Variants in WNT9B observed in about 807,000 individuals in gnomAD.
WNT9B encodes the protein protein Wnt-9b.
In WNT9B, 12 loss-of-function variants were observed where a neutral mutation model predicts 30.2. That is an observed-to-expected ratio of 0.40 (90% confidence interval 0.26 to 0.64). The LOEUF is 0.64. WNT9B is among the 30% of genes least tolerant of loss of function. The pLI is 0.42. For missense variants in WNT9B, 442 were observed against 485.2 expected (o/e 0.91, Z 0.84); for synonymous variants, 218 against 216.9 (o/e 1.01, Z -0.05).
chr17:46,864,024 C>A (rs1208475529), intron 1 of WNT9B, among the ~76,000 whole-genome samples: 1 of 152,202 alleles, frequency 6.6e-6, no homozygotes, highest in Non-Finnish European at 1.5e-5. Flanking sequence ...CCTGTGCAAA[C>A]AATGGCACTG....
At chr17:46,842,668 C>G (rs2084730168) in intron 1 of WNT9B, among the ~76,000 whole-genome samples, 1 of 152,176 alleles carries the variant, frequency 6.6e-6, no homozygotes, top group Non-Finnish European at 1.5e-5. Context: ...CCACCGTACC[C>G]TGCTTTAAAC....
At chr17:46,885,147 C>A, downstream of WNT9B, 1 of 369,110 alleles carries the variant, frequency 2.7e-6, no homozygotes, top group East Asian at 8.9e-5. Context: ...CACCACCACG[C>A]CTGACTAATT....
rs2085376000 is a variant in WNT9B at position 46,878,247 on chromosome 17, T to C, written c.*1529T>C. ...CACGCCCATCTGTCAGCTTCCTTTC[T>C]CCCTAAACCTAGAGTTGCTGACCCT... On this transcript the variant is annotated 3_prime_UTR_variant, in exon 4 of 4. Coordinates refer to ENST00000290015, the MANE Select transcript of WNT9B (RefSeq NM_003396.3). 6.6e-6 allele frequency among the ~76,000 whole-genome samples: 1 copy of C among 152,202 alleles called. No individual in the cohort carries two copies. The highest frequency in any genetic ancestry group is 2.4e-5 in the African/African-American group (1 of 41,458).
intron 1 of WNT9B, among the ~76,000 whole-genome samples, chr17:46,858,268 T>A (rs908212051): frequency 6.6e-6 from 1 of 152,324 alleles, no homozygotes; most frequent in East Asian, 1.9e-4. Flanking sequence ...TTGTCACAAG[T>A]ACTGGTAATA....
chr17:46,836,101 T>TAC (rs1329799620), intron 1 of WNT9B, among the ~76,000 whole-genome samples: 1 of 146,942 alleles, frequency 6.8e-6, no homozygotes, highest in African/African-American at 2.5e-5. Context: ...CTGACGTGTG[T>TAC]GTGTGTGTGT....
chr17:46,864,026 A>T (rs1302273116), intron 1 of WNT9B, among the ~76,000 whole-genome samples: 1 of 152,214 alleles, frequency 6.6e-6, no homozygotes, highest in Non-Finnish European at 1.5e-5. Flanking sequence ...TGTGCAAACA[A>T]TGGCACTGTC....
intron 2 of WNT9B, among the ~76,000 whole-genome samples, chr17:46,874,437 A>G (rs2085308572): frequency 6.6e-6 from 1 of 152,200 alleles, no homozygotes; most frequent in Admixed American, 6.5e-5. Flanking sequence ...TGCCTACGCC[A>G]GGTGTCTGAG....
At chr17:46,845,673 T>C (rs901830625) in intron 1 of WNT9B, among the ~76,000 whole-genome samples, 5 of 151,612 alleles carry the variant, frequency 3.3e-5, no homozygotes, top group Admixed American at 6.6e-5. Flanking sequence ...GTATTTTTAG[T>C]AGAGATGGGT....
Position 46,851,645 on chromosome 17 carries a change from C to A in WNT9B, c.7C>A (p.Pro3Thr). 1 of 1,280,140 alleles carries A rather than the reference C, an allele frequency of 7.8e-7. No individual in the cohort carries two copies. The highest frequency in any genetic ancestry group is 9.8e-7 in the Non-Finnish European group (1 of 1,018,124). 79.3% of individuals were successfully genotyped at this position (1,280,140 alleles called of 1,614,324 possible). A position where few individuals can be genotyped will look rare whatever the true frequency, so the allele number is the denominator to read the frequency against. Reference protein sequence around the residue: MRPPPALALAGLC... With the variant: MRTPPALALAGLC... ...GCGCAGCGCCGCCAGCACCATGCGC[C>A]CCCCGCCCGCGCTGGCCCTGGCCGG... is the stretch of plus-strand genomic sequence containing the variant. Residue 3 changes from proline (P) to threonine (T), a missense_variant, in exon 1 of 4, where the codon CCC becomes ACC. Pro to Thr is a conservative substitution (Grantham distance 38). Transcript: ENST00000290015. The surrounding 1 kb of genome is among the most constrained non-coding windows in gnomAD (Gnocchi z 4.3).
chr17:46,852,434 GTGTGTGTA>G (rs2084867943), intron 1 of WNT9B, among the ~76,000 whole-genome samples: 1 of 144,386 alleles, frequency 6.9e-6, no homozygotes, highest in African/African-American at 2.7e-5. Flanking sequence ...GTGTGTGTGT[GTGTGTGTA>G]CATGGTTGGA....
downstream of WNT9B, among the ~76,000 whole-genome samples, chr17:46,882,131 G>A (rs1189343860): frequency 6.6e-6 from 1 of 152,268 alleles, no homozygotes; most frequent in East Asian, 1.9e-4. Flanking sequence ...CTTCCAGCCT[G>A]AGCGACAGAG....
At chr17:46,849,161 G>T (rs2084810351), upstream of WNT9B, among the ~76,000 whole-genome samples, 1 of 152,336 alleles carries the variant, frequency 6.6e-6, no homozygotes, top group African/African-American at 2.4e-5. Flanking sequence ...CACGCCATTG[G>T]CTGGCAAGGA....
At chr17:46,847,821 T>C (rs532728310), upstream of WNT9B, among the ~76,000 whole-genome samples, 118 of 152,240 alleles carry the variant, frequency 7.8e-4, no homozygotes, top group South Asian at 2.7e-3. Flanking sequence ...CAAAGGCGGA[T>C]GGTTCCTGAG....
chr17:46,876,230 C>T lies in WNT9B; in HGVS notation c.601-15C>T. On this transcript the variant is annotated splice_polypyrimidine_tract_variant and intron_variant, in intron 3 of 3. Coordinates refer to ENST00000290015, the MANE Select transcript of WNT9B (RefSeq NM_003396.3). ...CCAGGCCTCTGACCACGCCTCTGTT[C>T]TGCCTCCCCCACAGGCTGTGAAGAG... 6.3e-7 allele frequency: 1 copy of T among 1,589,598 alleles called. No individual in the cohort carries two copies. The highest frequency in any genetic ancestry group is 1.3e-5 in the African/African-American group (1 of 74,750).
rs537473520 is a variant in WNT9B at position 46,834,022 on chromosome 17, C to A, written c.95+582C>A. Among the ~76,000 whole-genome samples the A allele has an allele frequency of 2.0e-5, 3 of 151,808 alleles. No homozygotes were observed. The South Asian group carries it at 6.3e-4, about 32-fold the overall frequency. Reference sequence around the variant, plus strand: ...ACCAACCTGGGCAACATAGTGAGACCCTGTCTCTGCAAAAATTTAAAACTA... The same window carrying A: ...ACCAACCTGGGCAACATAGTGAGACACTGTCTCTGCAAAAATTTAAAACTA... On this transcript the variant is annotated intron_variant, in intron 1 of 2. Coordinates refer to the WNT9B transcript ENST00000575372.
rs191403968 is a variant in WNT9B at position 46,857,869 on chromosome 17, T to C, written c.77+6154T>C. ...GTGTATATTGGTCATTTGAATATCATTTCATTGGGTTATTTGTCTTCTTAT... is the reference window on the plus strand; with the variant it reads ...GTGTATATTGGTCATTTGAATATCACTTCATTGGGTTATTTGTCTTCTTAT... On this transcript the variant is annotated intron_variant, in intron 1 of 3. Coordinates refer to ENST00000290015, the MANE Select transcript of WNT9B (RefSeq NM_003396.3). 8.8e-4 allele frequency among the ~76,000 whole-genome samples: 134 copies of C among 152,348 alleles called. No homozygotes were observed. In the Middle Eastern group the frequency reaches 0.017, roughly 19 times the overall value.
upstream of WNT9B, among the ~76,000 whole-genome samples, chr17:46,850,275 C>T (rs1382453298): frequency 1.3e-5 from 2 of 152,170 alleles, no homozygotes; most frequent in Non-Finnish European, 2.9e-5. Flanking sequence ...GCCATGTGGC[C>T]TCAATAAGTA....
At position 46,879,756 on chromosome 17, in the gene WNT9B, G is replaced by A. The variant is rs1471528678; in HGVS notation, c.*3038G>A. Among the ~76,000 whole-genome samples, 2 of 152,236 alleles carry A rather than the reference G, an allele frequency of 1.3e-5. No homozygotes were observed. Among genetic ancestry groups the A allele is most frequent in the Admixed American group, 6.5e-5 (1 of 15,288 alleles). On this transcript the variant is annotated 3_prime_UTR_variant, in exon 4 of 4. Coordinates refer to ENST00000290015, the MANE Select transcript of WNT9B (RefSeq NM_003396.3). ...AGCCCCAAAGCCTGGATACCACTGT[G>A]AGCCCAAGAACTCAGGGAAGCAGTT...
At chr17:46,855,812 C>A (rs2084928537) in intron 1 of WNT9B, among the ~76,000 whole-genome samples, 1 of 152,150 alleles carries the variant, frequency 6.6e-6, no homozygotes, top group South Asian at 2.1e-4. Context: ...GATTCTCCTG[C>A]CTCAGCTTCC....
Sources: gnomAD v4.1 joint callset for allele counts (sites outside exome capture counted in the v4.1 genomes callset) on GRCh38, gnomAD v4.1.1 for gene constraint, Gnocchi (gnomAD v3.1) non-coding constraint, MANE v1.5 for transcripts, NCBI Gene and HGNC (gene_info 2026-07-23, HGNC 2026-07-21) for gene names.